TENM4: variants seen among roughly 807,000 people sequenced by gnomAD.
The protein encoded by TENM4 is teneurin transmembrane protein 4.
In TENM4, 82 loss-of-function variants were observed where a neutral mutation model predicts 243.3. That is an observed-to-expected ratio of 0.34 (90% CI 0.28 to 0.40). The LOEUF is 0.40. Ranked by LOEUF, TENM4 falls within the 10% of genes least tolerant of loss-of-function variation. TENM4 has a pLI of 1.00. For missense variants in TENM4, 3,138 were observed against 3,673.3 expected (o/e 0.85, Z 3.77); for synonymous variants, 1,412 against 1,456.3 (o/e 0.97, Z 0.69).
chr11:78,903,493 C>A lies in TENM4; in HGVS notation c.524G>T (p.Arg175Leu). Reference sequence around the variant, plus strand: ...GAGCGGCGGCGGCGGCGTCCGGAGCCGCGCGTGGTTCTGCAGGCCGCCCGG... The same window carrying A: ...GAGCGGCGGCGGCGGCGTCCGGAGCAGCGCGTGGTTCTGCAGGCCGCCCGG... The part of the protein sequence containing the change: ...DHPGGLQNHA[R>L]LRTPPPPLSH... Residue 175 changes from arginine to leucine, a missense_variant, in exon 7 of 34, where the codon CGG (arginine) becomes CTG (leucine). Around this residue, in one of 2 missense-constraint regions of TENM4, gnomAD observed 671 missense variants for 614.1 expected, o/e 1.09. Coordinates refer to ENST00000278550, the MANE Select transcript of TENM4 (RefSeq NM_001098816.3). The A allele has an allele frequency of 1.3e-6, 2 of 1,547,426 alleles. No homozygotes were observed. Among genetic ancestry groups the A allele is most frequent in the Non-Finnish European group, 1.7e-6 (2 of 1,146,294 alleles).
In TENM4 at chr11:78,787,010, C is replaced by A. The variant is rs771305818; in HGVS notation, c.2253G>T (p.Met751Ile). The change falls in exon 16 of 34, where the codon ATG (methionine) becomes ATT (isoleucine). Residue 751 changes from methionine to isoleucine, a missense_variant. By Grantham distance (10) the Met-to-Ile change is conservative. Around this residue, in one of 2 missense-constraint regions of TENM4, gnomAD observed 2,467 missense variants for 3,059.1 expected, o/e 0.81. Coordinates refer to ENST00000278550, the MANE Select transcript of TENM4 (RefSeq NM_001098816.3). ...AGGCCCGCTGGTCGCAGGCTGCCCC[C>A]ATCCAGCCATCCTCGCAGCGGCAGG... ...GGTCRCEDGW[M>I]GAACDQRACH... 1 of 1,568,090 alleles carries A rather than the reference C, an allele frequency of 6.4e-7. No individual in the cohort carries two copies. The highest frequency in any genetic ancestry group is 8.6e-7 in the Non-Finnish European group (1 of 1,156,502).
In TENM4 at chr11:78,775,263, A is replaced by ACTC. The variant is rs766060564; in HGVS notation, c.2392+3336_2392+3338dup. Reference sequence around the variant, plus strand: ...CCTCTGGGAAGCCCTGCTCTAGTGAACTCCTGTAGGCACATGGCATCTTGG... The same window carrying ACTC: ...CCTCTGGGAAGCCCTGCTCTAGTGAACTCCTCCTGTAGGCACATGGCATCTTGG... On this transcript the variant is annotated intron_variant, in intron 17 of 33. Coordinates refer to ENST00000278550, the MANE Select transcript of TENM4 (RefSeq NM_001098816.3). Among the ~76,000 whole-genome samples, 50 of 152,066 alleles carry ACTC rather than the reference A, an allele frequency of 3.3e-4. 1 individual carries two copies. The highest frequency in any genetic ancestry group is 5.9e-5 in the Non-Finnish European group (4 of 67,998).
At chr11:78,748,868 A>C (rs1403184618) in intron 19 of TENM4, among the ~76,000 whole-genome samples, 4 of 152,142 alleles carry the variant, frequency 2.6e-5, no homozygotes, top group Non-Finnish European at 5.9e-5. Context: ...TATCTCATTT[A>C]ATCTTCCAAA....
chr11:78,920,153 C>T (rs1240098157), intron 6 of TENM4, among the ~76,000 whole-genome samples: 1 of 152,168 alleles, frequency 6.6e-6, no homozygotes, highest in African/African-American at 2.4e-5. Context: ...ATCAACATCT[C>T]AGCAGATGTT....
chr11:78,976,564 T>A (rs1206035512), intron 6 of TENM4, among the ~76,000 whole-genome samples: 1 of 152,206 alleles, frequency 6.6e-6, no homozygotes, highest in Non-Finnish European at 1.5e-5. Context: ...TTGCATTAGA[T>A]TTCTATAAAG....
intron 4 of TENM4, among the ~76,000 whole-genome samples, chr11:79,124,432 A>G (rs1377404515): frequency 2.6e-5 from 4 of 152,100 alleles, no homozygotes; most frequent in African/African-American, 9.7e-5. Flanking sequence ...CCCAGCCTAC[A>G]TCTTTCTCCT....
At position 78,720,274 on chromosome 11, in the gene TENM4, T is replaced by C. The variant is rs917079700; in HGVS notation, c.3821+96A>G. 8.6e-6 allele frequency: 12 copies of C among 1,400,240 alleles called. No individual in the cohort carries two copies. The African/African-American group carries it at 1.1e-4, about 13-fold the overall frequency. The allele number at this position is 1,400,240 out of a possible 1,614,324, so 86.7% of individuals were successfully genotyped here. A position where few individuals can be genotyped will look rare whatever the true frequency, so the allele number is the denominator to read the frequency against. On this transcript the variant is annotated intron_variant, in intron 25 of 33. Transcript: ENST00000278550. ...TCAGTTCCAATCACACAGGATTCTT[T>C]TGCCATACAGCCATTTGAAATTGAC... is the stretch of plus-strand genomic sequence containing the variant.
intron 1 of TENM4, among the ~76,000 whole-genome samples, chr11:79,359,900 A>G (rs1252148829): frequency 1.3e-5 from 2 of 152,198 alleles, no homozygotes; most frequent in Admixed American, 6.5e-5. Context: ...AGCTCTGTCA[A>G]TCGTTCATGG....
chr11:78,748,574 A>T (rs1785820), intron 19 of TENM4, among the ~76,000 whole-genome samples: 84,891 of 152,084 alleles, frequency 0.56, 26,562 homozygotes, highest in Non-Finnish European at 0.71. Context: ...TCAGCGGAGA[A>T]GAAGACAGGC....
chr11:78,781,957 T>C (rs1856845926), intron 16 of TENM4, among the ~76,000 whole-genome samples: 1 of 152,208 alleles, frequency 6.6e-6, no homozygotes, highest in Admixed American at 6.5e-5. Flanking sequence ...AAACTTGTGC[T>C]CTGATAACTT....
chr11:78,843,612 T>C (rs1176045222), intron 12 of TENM4, among the ~76,000 whole-genome samples: 1 of 152,184 alleles, frequency 6.6e-6, no homozygotes, highest in Admixed American at 6.5e-5. Flanking sequence ...GAGAAGAATT[T>C]GTAAAGATTG....
chr11:78,972,286 G>C (rs1857561258), intron 6 of TENM4, among the ~76,000 whole-genome samples: 1 of 152,010 alleles, frequency 6.6e-6, no homozygotes, highest in African/African-American at 2.4e-5. Flanking sequence ...TACTCCCCTG[G>C]TCCGGCAGCT....
intron 6 of TENM4, among the ~76,000 whole-genome samples, chr11:78,988,364 C>T (rs1857966981): frequency 6.6e-6 from 1 of 152,344 alleles, no homozygotes; most frequent in South Asian, 2.1e-4. Flanking sequence ...AGTCAGATCA[C>T]TGCCTGTGGC....
chr11:78,951,332 A>G (rs968925546), intron 6 of TENM4, among the ~76,000 whole-genome samples: 1 of 152,234 alleles, frequency 6.6e-6, no homozygotes, highest in African/African-American at 2.4e-5. Flanking sequence ...AGTCTGCTAA[A>G]TGAATGGACA....
chr11:79,423,704 C>G (rs1294338215), intron 1 of TENM4, among the ~76,000 whole-genome samples: 2 of 152,002 alleles, frequency 1.3e-5, no homozygotes. Context: ...GAGGCCAGAA[C>G]CAAATCTCCT....
In TENM4 at chr11:78,877,254, G is replaced by T. The variant is rs116028111; in HGVS notation, c.1084+12531C>A. On this transcript the variant is annotated intron_variant, in intron 9 of 33. Transcript: ENST00000278550. ...TTCAGCCCTCTCTCTTCCTCTCACT[G>T]CTCCCTTCTTCCTTCCACCCTGCTC... Among the ~76,000 whole-genome samples, 808 of 152,172 alleles carry T rather than the reference G, an allele frequency of 5.3e-3. 8 individuals are homozygous for T. Among genetic ancestry groups the T allele is most frequent in the African/African-American group, 0.018 (758 of 41,520 alleles).
chr11:79,133,717 T>A (rs1372553712), intron 4 of TENM4, among the ~76,000 whole-genome samples: 1 of 152,164 alleles, frequency 6.6e-6, no homozygotes, highest in Admixed American at 6.5e-5. Context: ...TCAATAAATG[T>A]GCTACACCAC....
At chr11:78,674,673 G>C (rs59140225) in intron 30 of TENM4, among the ~76,000 whole-genome samples, 3 of 151,852 alleles carry the variant, frequency 2.0e-5, no homozygotes, top group Non-Finnish European at 4.4e-5. Context: ...TCAGACGGGG[G>C]AGCTCAGTGA....
intron 2 of TENM4, among the ~76,000 whole-genome samples, chr11:79,279,994 C>T (rs543227111): frequency 8.8e-4 from 134 of 152,214 alleles, no homozygotes; most frequent in African/African-American, 3.1e-3. Flanking sequence ...TTCCCTCTGC[C>T]ATTTGAGGAC....
Sources: gnomAD v4.1 joint callset for allele counts (sites outside exome capture counted in the v4.1 genomes callset) on GRCh38, gnomAD v4.1.1 for gene constraint, gnomAD v4.1.1 regional missense constraint, MANE v1.5 for transcripts, NCBI Gene and HGNC (gene_info 2026-07-23, HGNC 2026-07-21) for gene names.